The following HADHA variants were observed in gnomAD, a reference collection of about 807,000 sequenced individuals.
HADHA encodes the protein trifunctional enzyme subunit alpha, mitochondrial.
A neutral mutation model predicts 91.3 loss-of-function variants in HADHA; 59 were observed. That is an observed-to-expected ratio of 0.65 (90% confidence interval 0.52 to 0.80). HADHA has a LOEUF of 0.80. Among genes scored for constraint, HADHA ranks in the 30% least tolerant of loss-of-function variants. HADHA has a pLI of 0.00. For missense variants in HADHA, 800 were observed against 927.6 expected (o/e 0.86, Z 1.79); for synonymous variants, 320 against 338.9 (o/e 0.94, Z 0.61).
Position 26,234,285 on chromosome 2 carries a change from T to C in HADHA, c.385A>G (p.Lys129Glu). The C allele has an allele frequency of 6.2e-7, 1 of 1,613,636 alleles. No individual in the cohort carries two copies. Among genetic ancestry groups the C allele is most frequent in the Non-Finnish European group, 8.5e-7 (1 of 1,179,506 alleles). ...LSQEAQRIVEKLEKSTKPIVA... is the reference protein window; with the variant it reads ...LSQEAQRIVEELEKSTKPIVA... ...ATAGGCTTTGTGGACTTTTCAAGTT[T>C]CTCAACTATTCTCTGTGCTTCTTGT... The change falls in exon 5 of 20, where the codon AAA (lysine) becomes GAA (glutamate). Residue 129 changes from lysine (K) to glutamate (E), a missense_variant. Physicochemically the swap from Lys to Glu is moderately conservative, Grantham distance 56. Transcript: ENST00000380649.
At chr2:26,203,833 T>G (rs1669911903) in intron 12 of HADHA, among the ~76,000 whole-genome samples, 1 of 152,228 alleles carries the variant, frequency 6.6e-6, no homozygotes, top group Admixed American at 6.5e-5. Context: ...GGATGTTAAT[T>G]GTCTATGATA....
chr2:26,208,586 G>A (rs1670021886), intron 11 of HADHA, among the ~76,000 whole-genome samples: 1 of 152,164 alleles, frequency 6.6e-6, no homozygotes, highest in African/African-American at 2.4e-5. Context: ...TTGTAATTTT[G>A]CAGGATGCTT....
intron 1 of HADHA, among the ~76,000 whole-genome samples, chr2:26,242,315 T>C (rs1279914816): frequency 1.3e-5 from 2 of 152,222 alleles, no homozygotes; most frequent in Admixed American, 1.3e-4. Flanking sequence ...AGGGTGCAGG[T>C]CATTTTAAAT....
chr2:26,204,236 T>G, intron 11 of HADHA, 40 bp from the exon 12 acceptor site: 1 of 1,601,772 alleles, frequency 6.2e-7, no homozygotes, highest in Non-Finnish European at 8.6e-7. Context: ...TAAACTGATC[T>G]TAATCATTTC....
chr2:26,233,851 C>G (rs996409811), intron 5 of HADHA, among the ~76,000 whole-genome samples: 1 of 152,088 alleles, frequency 6.6e-6, no homozygotes, highest in African/African-American at 2.4e-5. Flanking sequence ...GAGGCCGAGG[C>G]GGGAGGATCA....
chr2:26,233,131 G>A (rs1030261702), intron 5 of HADHA, among the ~76,000 whole-genome samples: 3 of 152,150 alleles, frequency 2.0e-5, no homozygotes, highest in Admixed American at 6.5e-5. Context: ...GACAGGAGGC[G>A]GAACTCAGGT....
chr2:26,223,052 TCTGCTTCTTGTCC>T (rs1345334410), intron 7 of HADHA, among the ~76,000 whole-genome samples: 1 of 152,164 alleles, frequency 6.6e-6, no homozygotes, highest in Non-Finnish European at 1.5e-5. Context: ...CAGCAAAATT[TCTGCTTCTTGTCC>T]CTGCAACTTT....
intron 13 of HADHA, among the ~76,000 whole-genome samples, chr2:26,200,056 G>C (rs191049843): frequency 9.2e-4 from 140 of 152,360 alleles, no homozygotes; most frequent in African/African-American, 3.3e-3. Flanking sequence ...AACCGAAACG[G>C]GGTGGTCTAG....
chr2:26,218,072 G>A (rs190117260), intron 7 of HADHA, among the ~76,000 whole-genome samples: 111 of 152,156 alleles, frequency 7.3e-4, no homozygotes, highest in Admixed American at 5.2e-4. Flanking sequence ...TTGGGAGTCC[G>A]CGGTGGGCAG....
chr2:26,201,435 A>G (rs1669832278), intron 12 of HADHA, 115 bp from the exon 13 acceptor site: 1 of 704,680 alleles, frequency 1.4e-6, no homozygotes, highest in African/African-American at 1.8e-5. Context: ...TAGTTATTCT[A>G]TTACTCCCAT....
chr2:26,205,343 A>G (rs1157512404), intron 11 of HADHA, among the ~76,000 whole-genome samples: 2 of 152,228 alleles, frequency 1.3e-5, no homozygotes, highest in Non-Finnish European at 2.9e-5. Flanking sequence ...AAATCATACT[A>G]AAGTCCTGAA....
intron 3 of HADHA, 45 bp downstream of exon 3, chr2:26,238,889 T>G (rs759193930): frequency 8.8e-7 from 1 of 1,130,270 alleles, no homozygotes; most frequent in South Asian, 1.2e-5. Flanking sequence ...AGGACTAGAT[T>G]CATAATGCGG....
At chr2:26,193,307 T>TC (rs1181418501) in intron 17 of HADHA, among the ~76,000 whole-genome samples, 3 of 150,608 alleles carry the variant, frequency 2.0e-5, no homozygotes, top group African/African-American at 4.9e-5. Flanking sequence ...TTTTTTTTTT[T>TC]TTTTTGAGAA....
intron 10 of HADHA, chr2:26,212,098 T>C (rs981883469): frequency 4.1e-5 from 7 of 168,716 alleles, no homozygotes; most frequent in African/African-American, 1.7e-4. Flanking sequence ...TTCTTTTTTT[T>C]TGGAGACAGG....
Position 26,215,180 on chromosome 2 carries a change from A to G in HADHA, c.677-5T>C. On this transcript the variant is annotated splice_region_variant and splice_polypyrimidine_tract_variant and intron_variant, in intron 7 of 19. Coordinates refer to ENST00000380649, the MANE Select transcript of HADHA (RefSeq NM_000182.5). ...CTGGAGGTTTTAGTCCTGGTCCTAT[A>G]AAAATGAATGCAACACTGGAATGCA... The G allele has an allele frequency of 1.2e-6, 2 of 1,612,736 alleles. No individual in the cohort carries two copies. Among genetic ancestry groups the G allele is most frequent in the Non-Finnish European group, 1.7e-6 (2 of 1,178,918 alleles).
intron 7 of HADHA, among the ~76,000 whole-genome samples, chr2:26,218,826 A>G (rs1422349853): frequency 6.6e-6 from 1 of 151,596 alleles, no homozygotes; most frequent in African/African-American, 2.4e-5. Flanking sequence ...TGGCCAAGAT[A>G]GTGAAACCCC....
At chr2:26,231,703 A>G (rs1467748364) in intron 6 of HADHA, among the ~76,000 whole-genome samples, 1 of 152,168 alleles carries the variant, frequency 6.6e-6, no homozygotes. Flanking sequence ...ATGGTGGTTC[A>G]TGCCTGTAGT....
At chr2:26,196,044 C>A (rs1669662297) in intron 14 of HADHA, among the ~76,000 whole-genome samples, 1 of 152,192 alleles carries the variant, frequency 6.6e-6, no homozygotes, top group South Asian at 2.1e-4. Flanking sequence ...CAAGTGATAT[C>A]TGTAATTTTT....
chr2:26,201,788 CTT>C (rs112691372), intron 12 of HADHA, among the ~76,000 whole-genome samples: 7 of 145,144 alleles, frequency 4.8e-5, no homozygotes, highest in Admixed American at 1.4e-4. Flanking sequence ...TAGTTGTAAT[CTT>C]TTTTTTTTTT....
Sources: gnomAD v4.1 joint callset for allele counts (sites outside exome capture counted in the v4.1 genomes callset) on GRCh38, gnomAD v4.1.1 for gene constraint, MANE v1.5 for transcripts, NCBI Gene and HGNC (gene_info 2026-07-23, HGNC 2026-07-21) for gene names.